DHRSX: variants seen among roughly 807,000 people sequenced by gnomAD.
DHRSX encodes dehydrogenase/reductase X-linked.
A neutral mutation model predicts 34.0 loss-of-function variants in DHRSX; 31 were observed. The observed-to-expected ratio is 0.91, with a 90% confidence interval of 0.69 to 1.23. The LOEUF (loss-of-function observed/expected upper bound fraction) is 1.23, where lower values mean the gene tolerates loss of function less well. Among genes scored for constraint, DHRSX ranks in the 50% most tolerant of loss-of-function variants. DHRSX has a pLI of 0.00. For synonymous variants in DHRSX, 201 were observed against 183.8 expected (o/e 1.09, Z -0.76); for missense variants, 414 against 428.1 (o/e 0.97, Z 0.29).
intron 2 of DHRSX, among the ~76,000 whole-genome samples, chrX:2,423,667 G>A (rs5982794): frequency 0.81 from 123,474 of 152,016 alleles, 50,979 homozygotes; most frequent in African/African-American, 0.95. Flanking sequence ...TTCCAAGCTC[G>A]TCTCCACACA....
chrX:2,325,759 T>A (rs1366497301), intron 3 of DHRSX, among the ~76,000 whole-genome samples: 1 of 152,146 alleles, frequency 6.6e-6, no homozygotes, highest in Non-Finnish European at 1.5e-5. Context: ...AGACACCGCC[T>A]CCTCAAACTG....
intron 3 of DHRSX, among the ~76,000 whole-genome samples, chrX:2,324,649 G>A (rs2042354840): frequency 6.6e-6 from 1 of 151,998 alleles, no homozygotes; most frequent in Non-Finnish European, 1.5e-5. Context: ...CATGATACTC[G>A]GCAATATAGT....
chrX:2,438,334 T>C (rs1479889014), intron 1 of DHRSX, among the ~76,000 whole-genome samples: 1 of 108,480 alleles, frequency 9.2e-6, no homozygotes, highest in Non-Finnish European at 2.1e-5. Context: ...CACATATATA[T>C]GCATTCATCT....
intron 6 of DHRSX, among the ~76,000 whole-genome samples, chrX:2,232,563 G>T (rs181093192): frequency 2.6e-5 from 4 of 151,916 alleles, no homozygotes; most frequent in Non-Finnish European, 5.9e-5. Flanking sequence ...GGAGGCCCAA[G>T]AATCAGCATT....
intron 5 of DHRSX, among the ~76,000 whole-genome samples, chrX:2,260,047 C>G (rs905496440): frequency 4.6e-5 from 7 of 151,920 alleles, no homozygotes; most frequent in Non-Finnish European, 1.0e-4. Flanking sequence ...GGGGAGGGCC[C>G]TTCCTGCCTC....
intron 3 of DHRSX, among the ~76,000 whole-genome samples, chrX:2,295,809 G>A (rs1763727579): frequency 6.6e-6 from 1 of 152,080 alleles, no homozygotes; most frequent in African/African-American, 2.4e-5. Context: ...TTGTATTGAC[G>A]GCTTGTATTT....
At chrX:2,326,549 C>T (rs1333792319) in intron 3 of DHRSX, among the ~76,000 whole-genome samples, 9 of 152,012 alleles carry the variant, frequency 5.9e-5, no homozygotes, top group Non-Finnish European at 8.8e-5. Flanking sequence ...AGAAAAACTT[C>T]TGGGGGCCCA....
chrX:2,435,379 G>A (rs753783784), intron 1 of DHRSX, among the ~76,000 whole-genome samples: 1 of 152,110 alleles, frequency 6.6e-6, no homozygotes, highest in South Asian at 2.1e-4. Flanking sequence ...ACCACTGGGG[G>A]AAGTAGACAC....
intron 1 of DHRSX, among the ~76,000 whole-genome samples, chrX:2,455,314 G>A (rs868097628): frequency 1.3e-5 from 2 of 151,624 alleles, no homozygotes; most frequent in African/African-American, 2.4e-5. Flanking sequence ...TGGGACAAAC[G>A]AGAGGATTGA....
At chrX:2,400,900 G>C (rs868829463) in intron 3 of DHRSX, among the ~76,000 whole-genome samples, 1 of 152,100 alleles carries the variant, frequency 6.6e-6, no homozygotes. Context: ...GGTTCACAAA[G>C]ATCTATTTTC....
chrX:2,432,747 G>C (rs1476856644), intron 1 of DHRSX, among the ~76,000 whole-genome samples: 1 of 152,186 alleles, frequency 6.6e-6, no homozygotes, highest in Non-Finnish European at 1.5e-5. Flanking sequence ...GGAATCATTA[G>C]TTTAACCTCC....
chrX:2,423,855 G>A (rs1406278062), intron 2 of DHRSX, among the ~76,000 whole-genome samples: 2 of 152,124 alleles, frequency 1.3e-5, no homozygotes, highest in African/African-American at 4.8e-5. Context: ...CAGAGATCAC[G>A]ATAAGCTTTT....
intron 6 of DHRSX, among the ~76,000 whole-genome samples, chrX:2,227,366 AAGG>A (rs1424746405): frequency 2.0e-5 from 3 of 151,370 alleles, no homozygotes; most frequent in African/African-American, 4.9e-5. Context: ...AGGAAGAAGA[AAGG>A]AGGAAATAGA....
chrX:2,221,304 G>C, intron 6 of DHRSX, 75 bp from the exon 7 acceptor site: 1 of 1,447,178 alleles, frequency 6.9e-7, no homozygotes, highest in South Asian at 1.3e-5. Context: ...GACTCACATG[G>C]ATGCTGCAGG....
chrX:2,380,091 C>T (rs7890105), intron 3 of DHRSX, among the ~76,000 whole-genome samples: 46,891 of 151,598 alleles, frequency 0.31, 7,475 homozygotes, highest in Non-Finnish European at 0.36. Context: ...GGTCAGGAGT[C>T]CAAGACCAGC....
At chrX:2,408,929 T>G in intron 2 of DHRSX, 116 bp from the exon 3 acceptor site, 1 of 872,508 alleles carries the variant, frequency 1.1e-6, no homozygotes, top group East Asian at 2.6e-5. Flanking sequence ...AAATGTGCCT[T>G]TGATGGACTT....
chrX:2,358,945 T>C lies in DHRSX; in HGVS notation c.286+49800A>G, dbSNP rs184210205. Among the ~76,000 whole-genome samples, 1,015 of 137,008 alleles carry C rather than the reference T, an allele frequency of 7.4e-3. 9 individuals are homozygous for C. Among genetic ancestry groups the C allele is most frequent in the Middle Eastern group, 0.047 (12 of 256 alleles). The allele number at this position is 137,008 out of a possible 152,430, so 89.9% of individuals were successfully genotyped here. A position where few individuals can be genotyped will look rare whatever the true frequency, so the allele number is the denominator to read the frequency against. ...GCCTGGGCGACAGAGTGAGACTCTG[T>C]CTCGGAAAAAAAAAAAAAAAAGACA... On this transcript the variant is annotated intron_variant, in intron 3 of 6. Transcript: ENST00000334651.
intron 1 of DHRSX, among the ~76,000 whole-genome samples, chrX:2,468,327 G>A (rs1383232453): frequency 6.6e-6 from 1 of 152,158 alleles, no homozygotes; most frequent in African/African-American, 2.4e-5. Context: ...CAGGACGCTG[G>A]CTGGAGAATG....
At chrX:2,444,935 T>C (rs2044109365) in intron 1 of DHRSX, among the ~76,000 whole-genome samples, 2 of 152,144 alleles carry the variant, frequency 1.3e-5, no homozygotes, top group African/African-American at 2.4e-5. Flanking sequence ...GGCGGGCAGA[T>C]CACCTGAGGT....
Sources: allele counts gnomAD v4.1 joint callset (sites outside exome capture counted in the v4.1 genomes callset), GRCh38; gene constraint gnomAD v4.1.1; transcripts MANE v1.5; gene names NCBI Gene and HGNC (gene_info 2026-07-23, HGNC 2026-07-21).